SLC16A6: variants seen among roughly 807,000 people sequenced by gnomAD.
SLC16A6 encodes the protein solute carrier family 16 member 6.
A neutral mutation model predicts 33.8 loss-of-function variants in SLC16A6; 15 were observed. That is an observed-to-expected ratio of 0.44 (90% CI 0.30 to 0.68). The LOEUF (loss-of-function observed/expected upper bound fraction) is 0.68. Ranked by LOEUF, SLC16A6 falls within the 30% of genes least tolerant of loss-of-function variation. The probability of loss-of-function intolerance (pLI) is 0.10; values close to 1 mark genes in which losing one functional copy is unlikely to be tolerated. For synonymous variants in SLC16A6, 219 were observed against 248.4 expected (o/e 0.88, Z 1.11); for missense variants, 451 against 661.5 (o/e 0.68, Z 3.49).
At chr17:68,288,429 T>C (rs1437271101) in intron 1 of SLC16A6, among the ~76,000 whole-genome samples, 1 of 152,184 alleles carries the variant, frequency 6.6e-6, no homozygotes, top group African/African-American at 2.4e-5. Flanking sequence ...ATATAAAAGT[T>C]TATCTGTCCA....
chr17:68,278,554 C>T (rs1555751783), intron 1 of SLC16A6, among the ~76,000 whole-genome samples: 1 of 151,998 alleles, frequency 6.6e-6, no homozygotes. Context: ...CCTACGTCAG[C>T]CTCCCAAGTA....
intron 1 of SLC16A6, among the ~76,000 whole-genome samples, chr17:68,290,584 TG>T (rs2075951998): frequency 6.6e-6 from 1 of 152,186 alleles, no homozygotes; most frequent in Non-Finnish European, 1.5e-5. Flanking sequence ...GTGCTGTGTT[TG>T]GGGGTCGGGG....
At chr17:68,282,806 G>GGTGT (rs1274057463) in intron 1 of SLC16A6, among the ~76,000 whole-genome samples, 1 of 103,538 alleles carries the variant, frequency 9.7e-6, no homozygotes, top group Admixed American at 9.8e-5. Context: ...AAAAAGGCCA[G>GGTGT]GTGTGCTGGT....
At chr17:68,284,265 G>C (rs1045049429) in intron 1 of SLC16A6, among the ~76,000 whole-genome samples, 2 of 152,024 alleles carry the variant, frequency 1.3e-5, no homozygotes, top group African/African-American at 2.4e-5. Flanking sequence ...GCCAGGTGTG[G>C]TGGCACGTGC....
At chr17:68,279,835 A>C (rs2075636180) in intron 1 of SLC16A6, among the ~76,000 whole-genome samples, 1 of 152,242 alleles carries the variant, frequency 6.6e-6, no homozygotes, top group Non-Finnish European at 1.5e-5. Flanking sequence ...TATCTATAAT[A>C]ATCAATGAGT....
intron 1 of SLC16A6, among the ~76,000 whole-genome samples, chr17:68,290,854 G>C (rs561821246): frequency 1.3e-5 from 2 of 152,178 alleles, no homozygotes; most frequent in Non-Finnish European, 2.9e-5. Context: ...CAGGGTCACG[G>C]ACATTCAACT....
chr17:68,286,830 T>A (rs1487671262), intron 1 of SLC16A6, among the ~76,000 whole-genome samples: 1 of 152,146 alleles, frequency 6.6e-6, no homozygotes, highest in African/African-American at 2.4e-5. Context: ...ATTCTATTAA[T>A]CAACTGATGG....
intron 1 of SLC16A6, among the ~76,000 whole-genome samples, chr17:68,289,070 G>A (rs975226182): frequency 1.3e-5 from 2 of 152,136 alleles, no homozygotes; most frequent in Non-Finnish European, 2.9e-5. Context: ...TATTGGCCGG[G>A]TGCGGTAGCT....
intron 2 of SLC16A6, among the ~76,000 whole-genome samples, chr17:68,275,710 G>A (rs1031703560): frequency 8.6e-5 from 13 of 151,968 alleles, no homozygotes; most frequent in African/African-American, 2.9e-4. Context: ...GGCTGGGTGC[G>A]GTGGCTTACA....
At chr17:68,290,203 T>C (rs912282646) in intron 1 of SLC16A6, among the ~76,000 whole-genome samples, 3 of 152,058 alleles carry the variant, frequency 2.0e-5, no homozygotes, top group African/African-American at 7.2e-5. Flanking sequence ...GGTTGACAAG[T>C]TGTAATTGCT....
rs2144949130 is a variant in SLC16A6, at chr17:68,271,101, C to T, written c.1059G>A (p.Arg353=). Reference sequence around the variant, plus strand: ...CAATGTAAATCTTACGAATGGGCTCCCTGTTGAGGACAAAACCAGCTCCGA... The same window carrying T: ...CAATGTAAATCTTACGAATGGGCTCTCTGTTGAGGACAAAACCAGCTCCGA... ...GRIGAGFVLN[R]EPIRKIYIEL... is the part of the protein sequence containing the mutation. The change falls in exon 5 of 6, where the codon AGG becomes AGA. Residue 353 remains arginine (R), a synonymous_variant. Coordinates refer to ENST00000580666, the MANE Select transcript of SLC16A6 (RefSeq NM_004694.5). The surrounding 1 kb of genome is among the most constrained non-coding windows in gnomAD (Gnocchi z 5.3). 3 of 1,614,114 alleles carry T rather than the reference C, an allele frequency of 1.9e-6. No individual in the cohort carries two copies. The highest frequency in any genetic ancestry group is 1.7e-6 in the Non-Finnish European group (2 of 1,180,024).
intron 3 of SLC16A6, 94 bp downstream of exon 3, chr17:68,273,829 GAGAA>G (rs2075421899): frequency 2.1e-6 from 3 of 1,409,824 alleles, no homozygotes; most frequent in Non-Finnish European, 2.9e-6. Context: ...AAAAAAGAAA[GAGAA>G]AGAAATATAG....
rs1555747022 is a variant in SLC16A6 at position 68,268,199 on chromosome 17, T to C, written c.*897A>G. On this transcript the variant is annotated 3_prime_UTR_variant, in exon 6 of 6. Transcript: ENST00000580666. ...GATTGCAGAAAGGAGGTAAAAATGC[T>C]GCTTATGTCTCAGATTTTATTTCTT... 6.6e-6 allele frequency: 1 copy of C among 152,544 alleles called. No individual in the cohort carries two copies. Among genetic ancestry groups the C allele is most frequent in the African/African-American group, 2.4e-5 (1 of 41,458 alleles). 9.4% of individuals were successfully genotyped at this position (152,544 alleles called of 1,614,324 possible). A position where few individuals can be genotyped will look rare whatever the true frequency, so the allele number is the denominator to read the frequency against.
At chr17:68,290,768 CG>C (rs2075959345) in intron 1 of SLC16A6, among the ~76,000 whole-genome samples, 2 of 152,168 alleles carry the variant, frequency 1.3e-5, no homozygotes, top group Admixed American at 1.3e-4. Flanking sequence ...TCCGACGTCC[CG>C]GAGCCCCCAA....
intron 2 of SLC16A6, among the ~76,000 whole-genome samples, chr17:68,275,588 T>C (rs140291060): frequency 6.6e-6 from 1 of 152,212 alleles, no homozygotes; most frequent in Non-Finnish European, 1.5e-5. Flanking sequence ...ACTTAAGCTT[T>C]GGGATTTTCT....
At chr17:68,283,993 A>T (rs1389759233) in intron 1 of SLC16A6, among the ~76,000 whole-genome samples, 1 of 150,732 alleles carries the variant, frequency 6.6e-6, no homozygotes. Flanking sequence ...CAGGAGGCTG[A>T]GGCACGAGAA....
chr17:68,283,638 T>C (rs1568416945), intron 1 of SLC16A6, among the ~76,000 whole-genome samples: 2 of 151,542 alleles, frequency 1.3e-5, no homozygotes, highest in South Asian at 4.2e-4. Context: ...CTGACCAACA[T>C]GGAGAAACGC....
chr17:68,275,542 G>GACTA (rs2075485823), intron 2 of SLC16A6, among the ~76,000 whole-genome samples: 1 of 152,058 alleles, frequency 6.6e-6, no homozygotes, highest in Non-Finnish European at 1.5e-5. Flanking sequence ...ATTTCTTGTT[G>GACTA]ACTACATTTT....
chr17:68,285,916 T>C (rs1438852417), intron 1 of SLC16A6, among the ~76,000 whole-genome samples: 2 of 152,074 alleles, frequency 1.3e-5, no homozygotes, highest in African/African-American at 4.8e-5. Context: ...CCCGCCACCA[T>C]GCCCAGCTAA....
Sources: allele counts gnomAD v4.1 joint callset (sites outside exome capture counted in the v4.1 genomes callset), GRCh38; gene constraint gnomAD v4.1.1; non-coding constraint Gnocchi (gnomAD v3.1); transcripts MANE v1.5; gene names NCBI Gene and HGNC (gene_info 2026-07-23, HGNC 2026-07-21).